RNLS: variants seen among roughly 807,000 people sequenced by gnomAD.
The protein encoded by RNLS is renalase, FAD dependent amine oxidase, also known as renalase.
In RNLS, 39 loss-of-function variants were observed where a neutral mutation model predicts 39.8. That is an observed-to-expected ratio of 0.98 (90% CI 0.76 to 1.28). The LOEUF (loss-of-function observed/expected upper bound fraction) is 1.28, where lower values mean the gene tolerates loss of function less well. RNLS is among the 50% of genes most tolerant of loss of function. The pLI is 0.00. For missense variants in RNLS, 410 were observed against 413.3 expected, an observed-to-expected ratio of 0.99 and a Z score of 0.07; for synonymous variants, 147 against 150.7, an observed-to-expected ratio of 0.98 and a Z score of 0.18.
intron 6 of RNLS, among the ~76,000 whole-genome samples, chr10:88,292,525 C>T (rs1843742039): frequency 6.6e-6 from 1 of 150,752 alleles, no homozygotes; most frequent in African/African-American, 2.4e-5. Context: ...CAATATGAGT[C>T]TCCTGATACT....
At chr10:88,573,827 G>A (rs1849998229) in intron 3 of RNLS, among the ~76,000 whole-genome samples, 1 of 149,568 alleles carries the variant, frequency 6.7e-6, no homozygotes, top group Non-Finnish European at 1.5e-5. Context: ...GAATTTATTA[G>A]TTAAGTATTT....
At chr10:88,312,773 C>T (rs1043515832) in intron 6 of RNLS, among the ~76,000 whole-genome samples, 1 of 151,698 alleles carries the variant, frequency 6.6e-6, no homozygotes, top group African/African-American at 2.4e-5. Flanking sequence ...AAATTGACTT[C>T]ACTTTTTTTT....
chr10:88,338,368 A>G (rs1847662212), intron 5 of RNLS, among the ~76,000 whole-genome samples: 1 of 152,250 alleles, frequency 6.6e-6, no homozygotes, highest in Non-Finnish European at 1.5e-5. Context: ...AAAGCACTGC[A>G]TTATTTAAGA....
intron 4 of RNLS, among the ~76,000 whole-genome samples, chr10:88,507,555 G>A (rs1176564341): frequency 6.6e-6 from 1 of 152,096 alleles, no homozygotes; most frequent in Non-Finnish European, 1.5e-5. Context: ...TTCTTCCACA[G>A]CTTTTATGAG....
chr10:88,208,853 A>AT, the RNLS span, among the ~76,000 whole-genome samples: 2 of 152,248 alleles, frequency 1.3e-5, no homozygotes, highest in South Asian at 2.1e-4. Context: ...TGTTATTATT[A>AT]TTTTTTGAGA....
At chr10:88,382,161 CT>C (rs1438122520) in intron 4 of RNLS, among the ~76,000 whole-genome samples, 2 of 152,044 alleles carry the variant, frequency 1.3e-5, no homozygotes, top group African/African-American at 4.8e-5. Context: ...CCACGTTGTA[CT>C]GTGACATCTT....
At chr10:88,271,832 G>A (rs554978128), downstream of RNLS, among the ~76,000 whole-genome samples, 86 of 152,300 alleles carry the variant, frequency 5.6e-4, no homozygotes, top group Non-Finnish European at 1.1e-3. Context: ...CCCCTAAAAA[G>A]CAGCCTAGCA....
chr10:88,223,518 CA>C, the RNLS span, among the ~76,000 whole-genome samples: 3 of 152,204 alleles, frequency 2.0e-5, no homozygotes, highest in Admixed American at 1.3e-4. Context: ...ATGTTGCTGC[CA>C]AATAAAACAA....
At chr10:88,478,710 T>C (rs1378893158) in intron 4 of RNLS, among the ~76,000 whole-genome samples, 6 of 152,166 alleles carry the variant, frequency 3.9e-5, no homozygotes, top group African/African-American at 1.4e-4. Flanking sequence ...ATACAACTTA[T>C]AATATACTCT....
At chr10:88,580,587 A>G (rs1850480315) in intron 3 of RNLS, among the ~76,000 whole-genome samples, 1 of 152,238 alleles carries the variant, frequency 6.6e-6, no homozygotes, top group African/African-American at 2.4e-5. Context: ...ATTATCCAAG[A>G]AAAATTCTAT....
At chr10:88,418,691 A>G (rs1249060424) in intron 4 of RNLS, among the ~76,000 whole-genome samples, 5 of 152,188 alleles carry the variant, frequency 3.3e-5, no homozygotes, top group Non-Finnish European at 7.4e-5. Context: ...GAATTGCACA[A>G]GTGGTTCAAG....
intron 4 of RNLS, among the ~76,000 whole-genome samples, chr10:88,510,602 T>C (rs1319633065): frequency 6.6e-6 from 1 of 152,072 alleles, no homozygotes; most frequent in Non-Finnish European, 1.5e-5. Flanking sequence ...GTTTACACTT[T>C]GGGAGGCCGA....
At chr10:88,172,950 G>A in the RNLS span, among the ~76,000 whole-genome samples, 181 of 134,710 alleles carry the variant, frequency 1.3e-3, 1 homozygote, top group African/African-American at 4.7e-3. Flanking sequence ...TCCACCTCCC[G>A]GGTTCATGCC....
chr10:88,529,693 CAA>C (rs1480246619), intron 4 of RNLS, among the ~76,000 whole-genome samples: 1 of 152,126 alleles, frequency 6.6e-6, no homozygotes, highest in Admixed American at 6.5e-5. Context: ...ATAATTATTT[CAA>C]GAGAAGATAT....
chr10:88,492,469 A>C (rs1200749751), intron 4 of RNLS, among the ~76,000 whole-genome samples: 1 of 140,170 alleles, frequency 7.1e-6, no homozygotes, highest in Non-Finnish European at 1.5e-5. Flanking sequence ...TCCAGGCTGG[A>C]GTGCAGTGGC....
At chr10:88,548,295 A>AAAATT (rs1261326990) in intron 4 of RNLS, among the ~76,000 whole-genome samples, 1 of 135,432 alleles carries the variant, frequency 7.4e-6, no homozygotes, top group Non-Finnish European at 1.6e-5. Context: ...AAAAAAAAAG[A>AAAATT]AAAGAAAAAA....
At chr10:88,199,407 G>C in the RNLS span, among the ~76,000 whole-genome samples, 1 of 152,254 alleles carries the variant, frequency 6.6e-6, no homozygotes, top group Non-Finnish European at 1.5e-5. Context: ...TCTGTCCCAA[G>C]CACTGTAGGA....
intron 4 of RNLS, among the ~76,000 whole-genome samples, chr10:88,375,748 C>T (rs1187026945): frequency 1.3e-5 from 2 of 152,104 alleles, no homozygotes; most frequent in Non-Finnish European, 2.9e-5. Context: ...CTTCAGTCTG[C>T]TAGGTTCTTT....
intron 4 of RNLS, among the ~76,000 whole-genome samples, chr10:88,394,838 T>C (rs1423060179): frequency 6.6e-6 from 1 of 152,154 alleles, no homozygotes; most frequent in Admixed American, 6.5e-5. Context: ...ATGTGGCACA[T>C]AAACACCATG....
Sources: allele counts gnomAD v4.1 joint callset (sites outside exome capture counted in the v4.1 genomes callset), GRCh38; gene constraint gnomAD v4.1.1; transcripts MANE v1.5; gene names NCBI Gene and HGNC (gene_info 2026-07-23, HGNC 2026-07-21).